Variants in EYA1 observed in about 807,000 individuals in gnomAD.
EYA1 encodes protein phosphatase EYA1.
In EYA1, 16 loss-of-function variants were observed where a neutral mutation model predicts 82.0. That is an observed-to-expected ratio of 0.20 (90% CI 0.13 to 0.30). The LOEUF (loss-of-function observed/expected upper bound fraction) is 0.30, where lower values mean the gene tolerates loss of function less well. Ranked by LOEUF, EYA1 falls within the 10% of genes least tolerant of loss-of-function variation. EYA1 has a pLI of 1.00. For synonymous variants in EYA1, 261 were observed against 264.4 expected (o/e 0.99, Z 0.12); for missense variants, 633 against 730.7 (o/e 0.87, Z 1.54).
At chr8:71,218,956 C>A (rs935370713) in intron 12 of EYA1, among the ~76,000 whole-genome samples, 2 of 146,368 alleles carry the variant, frequency 1.4e-5, no homozygotes, top group African/African-American at 5.6e-5. Context: ...GAATTTAATT[C>A]AAGGAATCAA....
At position 71,215,417 on chromosome 8, in the gene EYA1, T is replaced by C. The variant is rs1286346149; in HGVS notation, c.1567A>G (p.Ile523Val). The change falls in exon 16 of 18, where the codon ATA (isoleucine) becomes GTA (valine). Residue 523 changes from isoleucine (I) to valine (V), a missense_variant. Ile to Val is a conservative substitution (Grantham distance 29, BLOSUM62 3). Coordinates refer to ENST00000340726, the MANE Select transcript of EYA1 (RefSeq NM_000503.6). ...TTAGTTGCACTGTAAATATTTTCTA[T>C]TGGAAATACAATTCCTAACCCATAC... ...LLYGLGIVFP[I>V]ENIYSATKIG... 6.2e-7 allele frequency: 1 copy of C among 1,613,266 alleles called. No homozygotes were observed. The highest frequency in any genetic ancestry group is 1.7e-5 in the Admixed American group (1 of 60,032).
chr8:71,215,559 T>C (rs762190674), intron 15 of EYA1, 51 bp from the exon 16 acceptor site: 3 of 1,611,890 alleles, frequency 1.9e-6, no homozygotes, highest in East Asian at 2.2e-5. Context: ...ATCTCCAAAA[T>C]GAACAAGCAC....
At chr8:71,421,942 C>T (rs540915827) in intron 2 of EYA1, among the ~76,000 whole-genome samples, 10 of 152,266 alleles carry the variant, frequency 6.6e-5, no homozygotes, top group African/African-American at 2.2e-4. Flanking sequence ...TGAAAAGTAT[C>T]GGCGTCAGTA....
chr8:71,511,283 T>C (rs1175675504), intron 2 of EYA1, among the ~76,000 whole-genome samples: 1 of 152,210 alleles, frequency 6.6e-6, no homozygotes, highest in Non-Finnish European at 1.5e-5. Flanking sequence ...TCAGCATTGT[T>C]ACCAGATGTG....
At chr8:71,269,599 CAT>C (rs1816269321) in intron 11 of EYA1, 139 bp downstream of exon 11, 3 of 556,170 alleles carry the variant, frequency 5.4e-6, no homozygotes, top group Non-Finnish European at 9.4e-6. Context: ...TTTTACCTTA[CAT>C]ATATATATTT....
intron 12 of EYA1, among the ~76,000 whole-genome samples, chr8:71,229,219 C>T (rs1233241903): frequency 1.3e-5 from 2 of 152,004 alleles, no homozygotes; most frequent in Non-Finnish European, 2.9e-5. Flanking sequence ...CCTTCTCTCT[C>T]CCTCAAGGCA....
intron 2 of EYA1, among the ~76,000 whole-genome samples, chr8:71,525,354 T>C (rs918819083): frequency 1.3e-5 from 2 of 152,220 alleles, no homozygotes; most frequent in African/African-American, 2.4e-5. Flanking sequence ...GTCTAATTTA[T>C]GTCGTTTGAA....
At chr8:71,345,787 G>A (rs547211874) in intron 3 of EYA1, among the ~76,000 whole-genome samples, 2 of 152,172 alleles carry the variant, frequency 1.3e-5, no homozygotes, top group South Asian at 4.1e-4. Flanking sequence ...ACTACCCCTT[G>A]AATACAGTTT....
At chr8:71,467,553 A>C (rs1381201906) in intron 2 of EYA1, among the ~76,000 whole-genome samples, 1 of 152,142 alleles carries the variant, frequency 6.6e-6, no homozygotes, top group Admixed American at 6.5e-5. Context: ...ATGATTTTTC[A>C]TGTCTCTAGG....
At chr8:71,470,826 G>C (rs1182483303) in intron 2 of EYA1, 1 of 452,282 alleles carries the variant, frequency 2.2e-6, no homozygotes, top group Admixed American at 2.4e-5. Flanking sequence ...CAGAACCGTA[G>C]TACTACATGA....
chr8:71,523,653 C>T (rs779686042), intron 2 of EYA1, among the ~76,000 whole-genome samples: 2 of 152,030 alleles, frequency 1.3e-5, no homozygotes, highest in Non-Finnish European at 2.9e-5. Flanking sequence ...GTGAATTAGC[C>T]CTGTTATTTC....
chr8:71,224,200 G>A (rs1810292824), intron 12 of EYA1, among the ~76,000 whole-genome samples: 1 of 152,228 alleles, frequency 6.6e-6, no homozygotes, highest in African/African-American at 2.4e-5. Context: ...TGTCTTTGGA[G>A]AAGTTGAGTT....
chr8:71,328,900 A>T (rs1252554291), intron 4 of EYA1, among the ~76,000 whole-genome samples: 1 of 152,162 alleles, frequency 6.6e-6, no homozygotes. Context: ...CATGGTCTCA[A>T]GCCACAATCA....
In EYA1 at chr8:71,474,841, T is replaced by C. The variant is rs190048883; in HGVS notation, c.33+60903A>G. 4.2e-4 allele frequency among the ~76,000 whole-genome samples: 64 copies of C among 152,236 alleles called. 1 individual carries two copies. Among genetic ancestry groups the C allele is most frequent in the Middle Eastern group, 3.4e-3 (1 of 294 alleles). ...AACACTCTGCAATGACTATAAAGAA[T>C]GGAGTAGAGGCCAGGAGCGGTGGCT... On this transcript the variant is annotated intron_variant, in intron 2 of 18. Coordinates refer to the EYA1 transcript ENST00000643681.
intron 2 of EYA1, 141 bp from the exon 3 acceptor site, chr8:71,355,050 CTCA>C: frequency 1.2e-6 from 1 of 863,016 alleles, no homozygotes; most frequent in Non-Finnish European, 1.9e-6. Context: ...AATAATTCAT[CTCA>C]CATTTTGACT....
chr8:71,513,617 C>T (rs570627247), intron 2 of EYA1, among the ~76,000 whole-genome samples: 2 of 152,158 alleles, frequency 1.3e-5, no homozygotes, highest in African/African-American at 4.8e-5. Context: ...TTCAGTTATC[C>T]TCTTTTAGTT....
chr8:71,440,751 G>A (rs971559217), intron 2 of EYA1, among the ~76,000 whole-genome samples: 8 of 152,034 alleles, frequency 5.3e-5, no homozygotes, highest in African/African-American at 1.9e-4. Context: ...TGAATTGTGG[G>A]GTTTTAACTT....
chr8:71,252,389 C>T (rs186078379), intron 11 of EYA1, among the ~76,000 whole-genome samples: 73 of 152,132 alleles, frequency 4.8e-4, no homozygotes, highest in African/African-American at 1.7e-3. Context: ...CTAACACACT[C>T]AATCTCTGCA....
At chr8:71,251,922 A>G (rs1813789928) in intron 11 of EYA1, among the ~76,000 whole-genome samples, 1 of 152,192 alleles carries the variant, frequency 6.6e-6, no homozygotes, top group African/African-American at 2.4e-5. Context: ...CAGTGCACAG[A>G]AATACTGAAA....
Sources: allele counts gnomAD v4.1 joint callset (sites outside exome capture counted in the v4.1 genomes callset), GRCh38; gene constraint gnomAD v4.1.1; transcripts MANE v1.5; gene names NCBI Gene and HGNC (gene_info 2026-07-23, HGNC 2026-07-21).